Variants in KCNIP4 observed in about 807,000 individuals in gnomAD.
KCNIP4 encodes potassium voltage-gated channel interacting protein 4.
KCNIP4 carries 12 observed loss-of-function variants against 34.0 expected under a neutral mutation model. That is an observed-to-expected ratio of 0.35 (90% CI 0.23 to 0.57). The LOEUF is 0.57. Ranked by LOEUF, KCNIP4 falls within the 20% of genes least tolerant of loss-of-function variation. The pLI is 0.83. For missense variants in KCNIP4, 238 were observed against 311.7 expected, an observed-to-expected ratio of 0.76 and a Z score of 1.78; for synonymous variants, 124 against 102.2, an observed-to-expected ratio of 1.21 and a Z score of -1.29.
chr4:21,820,727 C>T (rs1403573487), intron 1 of KCNIP4, among the ~76,000 whole-genome samples: 1 of 152,112 alleles, frequency 6.6e-6, no homozygotes, highest in Non-Finnish European at 1.5e-5. Flanking sequence ...TTACATTTCT[C>T]TAAGTTCACT....
intron 3 of KCNIP4, among the ~76,000 whole-genome samples, chr4:20,799,292 G>A (rs1442188531): frequency 6.6e-6 from 1 of 152,186 alleles, no homozygotes; most frequent in Non-Finnish European, 1.5e-5. Flanking sequence ...CCACAGGTGA[G>A]GCAGCTTCCT....
intron 1 of KCNIP4, among the ~76,000 whole-genome samples, chr4:21,644,526 A>G (rs746462036): frequency 8.5e-5 from 13 of 152,206 alleles, no homozygotes; most frequent in Non-Finnish European, 1.6e-4. Flanking sequence ...ATGAAAGTGC[A>G]GCAGGTAAAA....
At chr4:21,883,327 T>G (rs1176769641) in intron 1 of KCNIP4, among the ~76,000 whole-genome samples, 1 of 151,944 alleles carries the variant, frequency 6.6e-6, no homozygotes, top group East Asian at 1.9e-4. Context: ...TTAAAAAAAT[T>G]TTTTTAGAAA....
At chr4:20,903,484 C>T (rs942284335) in intron 1 of KCNIP4, among the ~76,000 whole-genome samples, 14 of 152,150 alleles carry the variant, frequency 9.2e-5, no homozygotes, top group Non-Finnish European at 1.5e-4. Flanking sequence ...TTGGTCTCCA[C>T]AATCTTTTAT....
chr4:21,481,724 G>T (rs1731444206), intron 1 of KCNIP4, among the ~76,000 whole-genome samples: 1 of 148,462 alleles, frequency 6.7e-6, no homozygotes, highest in Non-Finnish European at 1.5e-5. Flanking sequence ...TCCACTATAC[G>T]GGGCCACTTG....
At chr4:20,956,368 G>C (rs980396480) in intron 1 of KCNIP4, among the ~76,000 whole-genome samples, 1 of 152,098 alleles carries the variant, frequency 6.6e-6, no homozygotes, top group Non-Finnish European at 1.5e-5. Flanking sequence ...AGCCGGGCGT[G>C]GTGGCGGGTG....
At chr4:21,640,219 C>T (rs1746510198) in intron 1 of KCNIP4, among the ~76,000 whole-genome samples, 1 of 152,164 alleles carries the variant, frequency 6.6e-6, no homozygotes, top group Non-Finnish European at 1.5e-5. Flanking sequence ...GTAACAACAC[C>T]CATCTTATCT....
chr4:21,272,549 T>G (rs1470271589), intron 1 of KCNIP4, among the ~76,000 whole-genome samples: 3 of 152,204 alleles, frequency 2.0e-5, no homozygotes, highest in African/African-American at 7.2e-5. Context: ...ATCTCTTTAA[T>G]ATGAATTTCC....
At chr4:21,848,859 GC>G (rs1724185430) in intron 1 of KCNIP4, 2 of 152,038 alleles carry the variant, frequency 1.3e-5, no homozygotes, top group African/African-American at 2.4e-5. Flanking sequence ...ATCACAGGGT[GC>G]TAAGAATACA....
At chr4:21,143,122 C>T (rs781682934) in intron 1 of KCNIP4, among the ~76,000 whole-genome samples, 12 of 152,120 alleles carry the variant, frequency 7.9e-5, no homozygotes, top group Non-Finnish European at 1.5e-4. Context: ...AATTCAGGTA[C>T]TCCCTAGGAA....
chr4:20,757,491 C>T (rs1204885258), intron 4 of KCNIP4, among the ~76,000 whole-genome samples: 1 of 152,128 alleles, frequency 6.6e-6, no homozygotes, highest in East Asian at 1.9e-4. Context: ...ATATGGCATC[C>T]TTGACTCTCT....
At chr4:21,177,858 TTATATATA>T (rs3080785) in intron 1 of KCNIP4, among the ~76,000 whole-genome samples, 2 of 139,320 alleles carry the variant, frequency 1.4e-5, no homozygotes, top group African/African-American at 5.4e-5. Context: ...AAAAAAAAAA[TTATATATA>T]TATATATATA....
At chr4:20,825,792 C>A (rs981054478) in intron 3 of KCNIP4, among the ~76,000 whole-genome samples, 9 of 151,968 alleles carry the variant, frequency 5.9e-5, no homozygotes, top group Non-Finnish European at 1.3e-4. Flanking sequence ...AGAACAGAAC[C>A]CTAAGGAACA....
At chr4:20,730,418 C>G (rs1747759694) in intron 8 of KCNIP4, among the ~76,000 whole-genome samples, 1 of 151,990 alleles carries the variant, frequency 6.6e-6, no homozygotes, top group Admixed American at 6.6e-5. Context: ...AATCATAATG[C>G]CAAAATGGAA....
chr4:21,193,459 C>CA (rs1755826495), intron 1 of KCNIP4, among the ~76,000 whole-genome samples: 1 of 151,942 alleles, frequency 6.6e-6, no homozygotes, highest in African/African-American at 2.4e-5. Flanking sequence ...CACCTGACTC[C>CA]AAAGAGTCAA....
chr4:20,880,873 TTA>T lies in KCNIP4; in HGVS notation c.163+1733_163+1734del, dbSNP rs367892922. Reference sequence around the variant, plus strand: ...ATGGTCTTCCAGGTTGCTGATGATGTTATGTTTTGTGAGATGGTGTGCATGTG... The same window carrying T: ...ATGGTCTTCCAGGTTGCTGATGATGTTGTTTTGTGAGATGGTGTGCATGTG... On this transcript the variant is annotated intron_variant, in intron 2 of 8. Transcript: ENST00000382152. Among the ~76,000 whole-genome samples, 255 of 152,318 alleles carry T rather than the reference TTA, an allele frequency of 1.7e-3. 2 individuals are homozygous for T. The highest frequency in any genetic ancestry group is 5.9e-3 in the African/African-American group (246 of 41,586).
intron 2 of KCNIP4, among the ~76,000 whole-genome samples, chr4:20,870,537 G>A (rs1476816139): frequency 4.6e-5 from 7 of 152,048 alleles, no homozygotes; most frequent in African/African-American, 1.7e-4. Flanking sequence ...GAGTAATTCT[G>A]TCATTTGAAA....
At chr4:20,880,547 A>G (rs966043032) in intron 2 of KCNIP4, among the ~76,000 whole-genome samples, 4 of 152,118 alleles carry the variant, frequency 2.6e-5, no homozygotes, top group Admixed American at 2.6e-4. Context: ...TCCTCTGTGA[A>G]CATTTATTTG....
chr4:20,818,915 T>A (rs978386977), intron 3 of KCNIP4, among the ~76,000 whole-genome samples: 31 of 147,718 alleles, frequency 2.1e-4, no homozygotes, highest in Non-Finnish European at 3.1e-4. Flanking sequence ...CTATATATAT[T>A]ATCTCTTTTT....
Sources: gnomAD v4.1 joint callset for allele counts (sites outside exome capture counted in the v4.1 genomes callset) on GRCh38, gnomAD v4.1.1 for gene constraint, MANE v1.5 for transcripts, NCBI Gene and HGNC (gene_info 2026-07-23, HGNC 2026-07-21) for gene names.